Variants in NFATC3 observed in about 807,000 individuals in gnomAD.
NFATC3 encodes nuclear factor of activated T-cells, cytoplasmic 3.
Under a neutral mutation model 98.6 loss-of-function variants are expected in NFATC3, and 46 were observed. The ratio of observed to expected loss-of-function variants is 0.47; its 90% CI spans 0.37 to 0.60. The LOEUF (loss-of-function observed/expected upper bound fraction) is 0.60. Among genes scored for constraint, NFATC3 ranks in the 20% least tolerant of loss-of-function variants. NFATC3 has a pLI of 0.00. For synonymous variants in NFATC3, 512 were observed against 472.2 expected, an observed-to-expected ratio of 1.08 and a Z score of -1.09; for missense variants, 1,256 against 1,295.5, an observed-to-expected ratio of 0.97 and a Z score of 0.47.
chr16:68,142,380 GGTT>G (rs1318221441), intron 3 of NFATC3, among the ~76,000 whole-genome samples: 3 of 152,118 alleles, frequency 2.0e-5, no homozygotes, highest in South Asian at 4.1e-4. Flanking sequence ...TTCTTAGCTT[GGTT>G]GTTGTTGGTG....
intron 3 of NFATC3, among the ~76,000 whole-genome samples, chr16:68,143,886 A>G (rs1370663357): frequency 6.6e-6 from 1 of 152,180 alleles, no homozygotes; most frequent in Non-Finnish European, 1.5e-5. Flanking sequence ...AAAGCATAAA[A>G]GTATAAAACT....
At chr16:68,225,132 A>G (rs1396403549) in intron 9 of NFATC3, 1 of 152,010 alleles carries the variant, frequency 6.6e-6, no homozygotes, top group Non-Finnish European at 1.5e-5. Flanking sequence ...TTGTATTTTT[A>G]GTAGAGATGG....
At position 68,129,672 on chromosome 16, in the gene NFATC3, T is replaced by C. The variant is rs912626974; in HGVS notation, c.1401+3062T>C. ...CCCACCTTGCCCGCTGCTCCCCGCCTTTTTTTTTTTTTTTTTTTTTTAAGA... is the reference window on the plus strand; with the variant it reads ...CCCACCTTGCCCGCTGCTCCCCGCCCTTTTTTTTTTTTTTTTTTTTTAAGA... On this transcript the variant is annotated intron_variant, in intron 3 of 9. Transcript: ENST00000346183. Among the ~76,000 whole-genome samples, 230 of 118,504 alleles carry C rather than the reference T, an allele frequency of 1.9e-3. 3 individuals carry two copies. The highest frequency in any genetic ancestry group is 3.4e-3 in the Admixed American group (42 of 12,300). The allele number at this position is 118,504 out of a possible 152,430, so 77.7% of individuals were successfully genotyped here.
intron 1 of NFATC3, among the ~76,000 whole-genome samples, chr16:68,109,654 A>G (rs957394916): frequency 9.9e-5 from 15 of 152,200 alleles, no homozygotes; most frequent in African/African-American, 3.6e-4. Context: ...AAATGGTACC[A>G]GCTTCTCTTT....
chr16:68,085,485 T>A lies in NFATC3; in HGVS notation c.-197T>A, dbSNP rs1207198101. On this transcript the variant is annotated 5_prime_UTR_variant, in exon 1 of 10. Coordinates refer to ENST00000346183, the MANE Select transcript of NFATC3 (RefSeq NM_173165.3). ...ACCGGTGGCGGGCGGCTGCGGTTCC[T>A]GGTGCTGCTCGGCGCGCGGCCAGCT... 1 of 483,860 alleles carries A rather than the reference T, an allele frequency of 2.1e-6. No individual in the cohort carries two copies. The highest frequency in any genetic ancestry group is 2.1e-5 in the African/African-American group (1 of 48,012). The allele number at this position is 483,860 out of a possible 1,614,324, so 30.0% of individuals were successfully genotyped here.
Position 68,132,409 on chromosome 16 carries a change from C to G in NFATC3, c.1401+5799C>G, listed in dbSNP as rs569759655. On this transcript the variant is annotated intron_variant, in intron 3 of 9. Coordinates refer to ENST00000346183, the MANE Select transcript of NFATC3 (RefSeq NM_173165.3). ...GAGTAATAAGTCAAGGAAAAACCCT[C>G]AAGAATAAAAGAATAAAAGATCCTT... Among the ~76,000 whole-genome samples, 222 of 152,168 alleles carry G rather than the reference C, an allele frequency of 1.5e-3. 4 individuals carry two copies. The highest frequency in any genetic ancestry group is 2.7e-3 in the Admixed American group (41 of 15,280).
chr16:68,172,155 G>C (rs1276306053), intron 5 of NFATC3, among the ~76,000 whole-genome samples: 1 of 152,162 alleles, frequency 6.6e-6, no homozygotes, highest in Non-Finnish European at 1.5e-5. Context: ...TTCTATGAAA[G>C]AATTGATTAT....
chr16:68,175,221 A>T (rs2151614100), intron 6 of NFATC3, among the ~76,000 whole-genome samples: 1 of 152,348 alleles, frequency 6.6e-6, no homozygotes, highest in Non-Finnish European at 1.5e-5. Flanking sequence ...AGTATAGGCA[A>T]TCCAGAAACC....
At chr16:68,137,548 T>G (rs996000525) in intron 3 of NFATC3, among the ~76,000 whole-genome samples, 2 of 152,174 alleles carry the variant, frequency 1.3e-5, no homozygotes, top group Non-Finnish European at 2.9e-5. Context: ...GTCGTTTCTC[T>G]TTCTGTTTTA....
In NFATC3 at chr16:68,085,427, A is replaced by G. The variant is rs1387404563; in HGVS notation, c.-255A>G. The G allele has an allele frequency of 1.3e-5, 4 of 300,724 alleles. No individual in the cohort carries two copies. Among genetic ancestry groups the G allele is most frequent in the Non-Finnish European group, 2.5e-5 (4 of 163,126 alleles). 18.6% of individuals were successfully genotyped at this position (300,724 alleles called of 1,614,324 possible). A position where few individuals can be genotyped will look rare whatever the true frequency, so the allele number is the denominator to read the frequency against. On this transcript the variant is annotated 5_prime_UTR_variant, in exon 1 of 10. Transcript: ENST00000346183. ...CGGCGACTGTGGGGGGGCGGCGGGG[A>G]ACATTGGCTAAGCCGACAGTGGAGG...
rs1171449646 is a variant in NFATC3, at chr16:68,226,749, C to T, written c.*278C>T. 1 of 247,440 alleles carries T rather than the reference C, an allele frequency of 4.0e-6. No homozygotes were observed. The highest frequency in any genetic ancestry group is 2.2e-5 in the African/African-American group (1 of 44,684). 15.3% of individuals were successfully genotyped at this position (247,440 alleles called of 1,614,324 possible). On this transcript the variant is annotated 3_prime_UTR_variant, in exon 10 of 10. Transcript: ENST00000346183. ...GTGCTTTGAGTGTGAATGCAGCAGG[C>T]TCTCTTGTTTCCGAGGTGCTGCTTT...
At chr16:68,181,017 C>A (rs1210360728) in intron 6 of NFATC3, among the ~76,000 whole-genome samples, 2 of 152,166 alleles carry the variant, frequency 1.3e-5, no homozygotes, top group Non-Finnish European at 2.9e-5. Context: ...TGGGTATATA[C>A]CCAGCAATGG....
Position 68,202,838 on chromosome 16 carries a change from A to AT in NFATC3, c.3106+11063_3106+11064insT, listed in dbSNP as rs572302413. Among the ~76,000 whole-genome samples the AT allele has an allele frequency of 2.2e-3, 330 of 151,552 alleles. 3 individuals carry two copies. Among genetic ancestry groups the AT allele is most frequent in the African/African-American group, 7.7e-3 (316 of 41,174 alleles). The stretch of plus-strand genomic sequence containing the variant: ...AAAATAAATAAATAAATAATAAAAA[A>AT]AAATAAATAAATAAAATTAAATAAA... On this transcript the variant is annotated intron_variant, in intron 9 of 9. Coordinates refer to ENST00000346183, the MANE Select transcript of NFATC3 (RefSeq NM_173165.3).
intron 9 of NFATC3, among the ~76,000 whole-genome samples, chr16:68,222,289 CAAAAAAAAAAAAAAAAAAAA>C (rs58981935): frequency 2.3e-3 from 62 of 26,416 alleles, no homozygotes; most frequent in Non-Finnish European, 3.2e-3. Context: ...ACCCCATTGC[CAAAAAAAAAAAAAAAAAAAA>C]AAAAAAAAAA....
intron 9 of NFATC3, among the ~76,000 whole-genome samples, chr16:68,196,859 C>T (rs1598568916): frequency 6.6e-6 from 1 of 151,604 alleles, no homozygotes; most frequent in Non-Finnish European, 1.5e-5. Context: ...GGAGAAACCC[C>T]GTCTCTACCA....
chr16:68,186,160 T>C (rs1159216186), intron 8 of NFATC3, among the ~76,000 whole-genome samples: 1 of 152,112 alleles, frequency 6.6e-6, no homozygotes, highest in Non-Finnish European at 1.5e-5. Flanking sequence ...TTTTTCATTT[T>C]TTTCTAAAAT....
intron 9 of NFATC3, among the ~76,000 whole-genome samples, chr16:68,209,134 T>C (rs955459011): frequency 6.6e-6 from 1 of 152,228 alleles, no homozygotes; most frequent in African/African-American, 2.4e-5. Flanking sequence ...TTTTCATATA[T>C]GGCCTTTTTC....
chr16:68,166,038 A>T (rs2039177014), intron 4 of NFATC3, among the ~76,000 whole-genome samples: 1 of 152,250 alleles, frequency 6.6e-6, no homozygotes, highest in Non-Finnish European at 1.5e-5. Flanking sequence ...TTCCTTAGAA[A>T]TTCAAGAATT....
At chr16:68,128,954 G>A (rs2036981996) in intron 3 of NFATC3, among the ~76,000 whole-genome samples, 1 of 152,006 alleles carries the variant, frequency 6.6e-6, no homozygotes, top group Non-Finnish European at 1.5e-5. Context: ...AAATTAGCTG[G>A]ACATTGTGGC....
Sources: gnomAD v4.1 joint callset for allele counts (sites outside exome capture counted in the v4.1 genomes callset) on GRCh38, gnomAD v4.1.1 for gene constraint, MANE v1.5 for transcripts, NCBI Gene and HGNC (gene_info 2026-07-23, HGNC 2026-07-21) for gene names.